AIFM2: variants seen among roughly 807,000 people sequenced by gnomAD.
AIFM2 encodes AIF family member 2, ferroptosis suppressor.
AIFM2 carries 38 observed loss-of-function variants against 35.7 expected under a neutral mutation model. That is an observed-to-expected ratio of 1.06 (90% CI 0.82 to 1.39). AIFM2 has a LOEUF of 1.39. Among genes scored for constraint, AIFM2 ranks in the 40% most tolerant of loss-of-function variants. AIFM2 has a pLI of 0.00. For missense variants in AIFM2, 476 were observed against 491.2 expected (o/e 0.97, Z 0.29); for synonymous variants, 185 against 203.5 (o/e 0.91, Z 0.77).
chr10:70,121,950 G>T (rs1005475003), intron 3 of AIFM2, among the ~76,000 whole-genome samples: 5 of 151,712 alleles, frequency 3.3e-5, no homozygotes, highest in Non-Finnish European at 7.4e-5. Flanking sequence ...AAATTAGCTG[G>T]GCGTGGTGCC....
rs2072405080 is a variant in AIFM2 at position 70,114,061 on chromosome 10, CATT to C, written c.*114_*116del. 4 of 1,332,094 alleles carry C rather than the reference CATT, an allele frequency of 3.0e-6. No individual in the cohort carries two copies. The highest frequency in any genetic ancestry group is 3.0e-6 in the Non-Finnish European group (3 of 992,922). 82.5% of individuals were successfully genotyped at this position (1,332,094 alleles called of 1,614,324 possible). A position where few individuals can be genotyped will look rare whatever the true frequency, so the allele number is the denominator to read the frequency against. The stretch of plus-strand genomic sequence containing the variant: ...CAAGTTGCATTTCTAGCCACCACAT[CATT>C]GGCATCTTATTCCAGAAGAATAGCA... On this transcript the variant is annotated 3_prime_UTR_variant, in exon 9 of 9. Coordinates refer to ENST00000307864, the MANE Select transcript of AIFM2 (RefSeq NM_032797.6).
intron 3 of AIFM2, among the ~76,000 whole-genome samples, chr10:70,122,848 G>T (rs569262017): frequency 8.1e-4 from 123 of 152,228 alleles, no homozygotes; most frequent in African/African-American, 2.7e-3. Flanking sequence ...ATAGAGGCAC[G>T]GTAAACATTC....
intron 1 of AIFM2, among the ~76,000 whole-genome samples, chr10:70,126,429 C>T (rs1357826356): frequency 3.9e-5 from 6 of 152,196 alleles, no homozygotes; most frequent in Admixed American, 3.9e-4. Flanking sequence ...CATCAAGCCA[C>T]TGAACAGCCT....
chr10:70,114,788 T>C (rs1359111274), intron 8 of AIFM2, 132 bp downstream of exon 8: 1 of 1,172,872 alleles, frequency 8.5e-7, no homozygotes, highest in Non-Finnish European at 1.2e-6. Context: ...TTTAAAGAGC[T>C]CTAAGGGGAT....
At chr10:70,120,682 G>T in intron 4 of AIFM2, 83 bp from the exon 5 acceptor site, 1 of 1,478,382 alleles carries the variant, frequency 6.8e-7, no homozygotes, top group Non-Finnish European at 9.4e-7. Flanking sequence ...CCTGTGGTGT[G>T]GCTCCCTGGG....
rs897557664 is a variant in AIFM2 at position 70,131,511 on chromosome 10, G to A, written c.-14+1223C>T. Among the ~76,000 whole-genome samples the A allele has an allele frequency of 1.3e-5, 2 of 152,240 alleles. No homozygotes were observed. Among genetic ancestry groups the A allele is most frequent in the Non-Finnish European group, 2.9e-5 (2 of 68,052 alleles). On this transcript the variant is annotated intron_variant, in intron 1 of 8. Coordinates refer to ENST00000307864, the MANE Select transcript of AIFM2 (RefSeq NM_032797.6). The surrounding 1 kb of genome is among the most constrained non-coding windows in gnomAD (Gnocchi z 4.1). The stretch of plus-strand genomic sequence containing the variant: ...CTCCTTTTATCCCCAGGGGAGGGCA[G>A]CTCTGGGGCAGACAGGTTCATCTGG...
At chr10:70,121,042 C>T in intron 4 of AIFM2, 50 bp downstream of exon 4, 1 of 1,588,340 alleles carries the variant, frequency 6.3e-7, no homozygotes. Flanking sequence ...ATCCCCAAGG[C>T]TGTCCTTCCA....
rs1178852237 is a variant in AIFM2, at chr10:70,118,764, A to C, written c.508-844T>G. On this transcript the variant is annotated intron_variant, in intron 5 of 8. Coordinates refer to ENST00000307864, the MANE Select transcript of AIFM2 (RefSeq NM_032797.6). ...GGGGTACTAAGAATCATTTGTTCTA[A>C]TATTTGGTCCTCATTGCCGGTTCTT... Among the ~76,000 whole-genome samples, 3 of 152,294 alleles carry C rather than the reference A, an allele frequency of 2.0e-5. No homozygotes were observed. The East Asian group carries it at 5.8e-4, about 29-fold the overall frequency.
At chr10:70,120,696 A>C (rs1387590589) in intron 4 of AIFM2, 97 bp from the exon 5 acceptor site, 2 of 1,353,778 alleles carry the variant, frequency 1.5e-6, no homozygotes, top group African/African-American at 2.9e-5. Flanking sequence ...CCCTGGGCCA[A>C]AGGAGGGCAG....
intron 1 of AIFM2, among the ~76,000 whole-genome samples, chr10:70,130,327 A>G (rs1317671448): frequency 6.6e-6 from 1 of 152,092 alleles, no homozygotes; most frequent in East Asian, 1.9e-4. Context: ...TACCCCACCT[A>G]CCCTAGCCCT....
In AIFM2 at chr10:70,117,416, T is replaced by C. The variant is rs1051574166; in HGVS notation, c.616+396A>G. On this transcript the variant is annotated intron_variant, in intron 6 of 8. Transcript: ENST00000307864. This position sits in a 1 kb window ranked among gnomAD's most constrained non-coding sequence, Gnocchi z 4.7. ...ACAAGAAGGCCACACTCCTCACCAC[T>C]CTCAAAACATAAACCAATAAACCTA... Among the ~76,000 whole-genome samples, 1 of 152,084 alleles carries C rather than the reference T, an allele frequency of 6.6e-6. No homozygotes were observed. The highest frequency in any genetic ancestry group is 2.4e-5 in the African/African-American group (1 of 41,392).
intron 7 of AIFM2, among the ~76,000 whole-genome samples, chr10:70,115,765 C>T (rs1383032689): frequency 1.3e-5 from 2 of 151,638 alleles, no homozygotes; most frequent in African/African-American, 4.9e-5. Context: ...GACTCTGTCT[C>T]AAAAAATAAA....
At chr10:70,128,467 T>C (rs2072592585) in intron 1 of AIFM2, among the ~76,000 whole-genome samples, 1 of 152,244 alleles carries the variant, frequency 6.6e-6, no homozygotes. Flanking sequence ...CAAGCAATTC[T>C]CCTGCCTCAG....
chr10:70,131,844 G>T lies in AIFM2; in HGVS notation c.-14+890C>A, dbSNP rs2072630252. Among the ~76,000 whole-genome samples the T allele has an allele frequency of 6.6e-6, 1 of 152,176 alleles. No homozygotes were observed. Among genetic ancestry groups the T allele is most frequent in the South Asian group, 2.1e-4 (1 of 4,830 alleles). On this transcript the variant is annotated intron_variant, in intron 1 of 8. Transcript: ENST00000307864. The surrounding 1 kb of genome is among the most constrained non-coding windows in gnomAD (Gnocchi z 4.1). Reference sequence around the variant, plus strand: ...TGGGGTGAGGGCAGGTGTGATCTGAGATCCCGGGGCTCTCTGGCAGGTGCA... The same window carrying T: ...TGGGGTGAGGGCAGGTGTGATCTGATATCCCGGGGCTCTCTGGCAGGTGCA...
intron 1 of AIFM2, among the ~76,000 whole-genome samples, chr10:70,126,596 CTA>C (rs1055848962): frequency 6.2e-4 from 95 of 152,320 alleles, no homozygotes; most frequent in Admixed American, 6.1e-3. Context: ...GCCCAACCAG[CTA>C]TAATATCCTG....
At chr10:70,126,927 C>T (rs1321138194) in intron 1 of AIFM2, among the ~76,000 whole-genome samples, 1 of 152,210 alleles carries the variant, frequency 6.6e-6, no homozygotes, top group East Asian at 1.9e-4. Flanking sequence ...AGACAACCCC[C>T]CGGCAGGCAG....
rs1020837264 is a variant in AIFM2 at position 70,120,697 on chromosome 10, A to G, written c.415-98T>C. On this transcript the variant is annotated intron_variant, in intron 4 of 8. Transcript: ENST00000307864. ...CCTGTGGTGTGGCTCCCTGGGCCAAAGGAGGGCAGAGAACCCTTTCCACAT... is the reference window on the plus strand; with the variant it reads ...CCTGTGGTGTGGCTCCCTGGGCCAAGGGAGGGCAGAGAACCCTTTCCACAT... 15 of 1,323,794 alleles carry G rather than the reference A, an allele frequency of 1.1e-5. No individual in the cohort carries two copies. In the South Asian group the frequency reaches 1.8e-4, roughly 16 times the overall value. 82.0% of individuals were successfully genotyped at this position (1,323,794 alleles called of 1,614,324 possible).
At position 70,123,465 on chromosome 10, in the gene AIFM2, C is replaced by A; in HGVS notation, c.234G>T (p.Arg78=). Reference sequence around the variant, plus strand: ...GGTCTATCCCCACTACTAGCCCCTGCCGGAAGTTGTCCTTGAAAGTCACCG... The same window carrying A: ...GGTCTATCCCCACTACTAGCCCCTGACGGAAGTTGTCCTTGAAAGTCACCG... ...SYSVTFKDNF[R]QGLVVGIDLK... The change falls in exon 3 of 9, where the codon CGG becomes CGT. Residue 78 remains arginine, a synonymous_variant. Transcript: ENST00000307864. 3 of 1,614,220 alleles carry A rather than the reference C, an allele frequency of 1.9e-6. No individual in the cohort carries two copies. The South Asian group carries it at 3.3e-5, about 18-fold the overall frequency.
At chr10:70,122,839 T>C (rs1345537271) in intron 3 of AIFM2, among the ~76,000 whole-genome samples, 1 of 152,174 alleles carries the variant, frequency 6.6e-6, no homozygotes, top group Non-Finnish European at 1.5e-5. Flanking sequence ...ACCTTCGCCA[T>C]AGAGGCACGG....
Sources: allele counts gnomAD v4.1 joint callset (sites outside exome capture counted in the v4.1 genomes callset), GRCh38; gene constraint gnomAD v4.1.1; non-coding constraint Gnocchi (gnomAD v3.1); transcripts MANE v1.5; gene names NCBI Gene and HGNC (gene_info 2026-07-23, HGNC 2026-07-21).